Variants in EPDR1 observed in about 807,000 individuals in gnomAD.
The protein encoded by EPDR1 is ependymin related 1, also known as mammalian ependymin-related protein 1.
In EPDR1, 27 loss-of-function variants were observed where a neutral mutation model predicts 23.7. The ratio of observed to expected loss-of-function variants is 1.14; its 90% CI spans 0.84 to 1.57. The LOEUF (loss-of-function observed/expected upper bound fraction) is 1.57. Among genes scored for constraint, EPDR1 ranks in the 40% most tolerant of loss-of-function variants. The pLI is 0.00. For missense variants in EPDR1, 349 were observed against 290.4 expected (o/e 1.20, Z -1.47); for synonymous variants, 137 against 118.2 (o/e 1.16, Z -1.03).
chr7:37,925,575 G>T (rs939638379), intron 1 of EPDR1, among the ~76,000 whole-genome samples: 2 of 152,108 alleles, frequency 1.3e-5, no homozygotes, highest in African/African-American at 4.8e-5. Context: ...TTTTTAAACA[G>T]AGAATCAGCC....
intron 1 of EPDR1, among the ~76,000 whole-genome samples, chr7:37,921,861 T>G (rs956652236): frequency 6.6e-6 from 1 of 152,214 alleles, no homozygotes; most frequent in Non-Finnish European, 1.5e-5. Context: ...ACATTGTCCC[T>G]TATATGTTCT....
At chr7:37,937,976 GC>G (rs1347427595) in intron 1 of EPDR1, among the ~76,000 whole-genome samples, 1 of 94,718 alleles carries the variant, frequency 1.1e-5, no homozygotes, top group Non-Finnish European at 2.3e-5. Flanking sequence ...AAAAATGGGT[GC>G]CCTTTAAATT....
chr7:37,929,568 A>G (rs1293479397), intron 1 of EPDR1, among the ~76,000 whole-genome samples: 1 of 152,226 alleles, frequency 6.6e-6, no homozygotes, highest in Non-Finnish European at 1.5e-5. Context: ...ATACCTAAAT[A>G]ATAGATATGT....
intron 2 of EPDR1, among the ~76,000 whole-genome samples, chr7:37,949,652 A>G (rs1291881067): frequency 6.6e-6 from 1 of 152,228 alleles, no homozygotes; most frequent in Non-Finnish European, 1.5e-5. Context: ...AGACTCAAAC[A>G]GATATTTGTA....
intron 1 of EPDR1, chr7:37,926,791 T>G: frequency 4.7e-6 from 2 of 424,066 alleles, no homozygotes; most frequent in South Asian, 1.7e-5. Context: ...AATGATACAT[T>G]TTTTCTTTTT....
chr7:37,928,399 TA>T (rs34272919), intron 1 of EPDR1, among the ~76,000 whole-genome samples: 38,702 of 146,806 alleles, frequency 0.26, 4,932 homozygotes, highest in African/African-American at 0.3. Context: ...CATCTTTAAA[TA>T]AAAAAAAAAA....
chr7:37,948,938 A>T lies in EPDR1; in HGVS notation c.368A>T (p.Asp123Val). ...CSKMTLTQPW[D>V]PLDIPQNSTF... is the part of the protein sequence containing the mutation. ...AAGATGACCCTGACACAGCCCTGGG[A>T]TCCTCTTGACATTCCTCAAAACTCC... The change falls in exon 2 of 3, where the codon GAT (aspartate) becomes GTT (valine). Residue 123 changes from aspartate (D) to valine (V), a missense_variant. Physicochemically the swap from Asp to Val is radical, Grantham distance 152 (BLOSUM62 -3). Coordinates refer to ENST00000199448, the MANE Select transcript of EPDR1 (RefSeq NM_017549.5). 6.2e-7 allele frequency: 1 copy of T among 1,614,108 alleles called. No homozygotes were observed. Among genetic ancestry groups the T allele is most frequent in the Non-Finnish European group, 8.5e-7 (1 of 1,180,034 alleles).
intron 1 of EPDR1, among the ~76,000 whole-genome samples, chr7:37,941,573 A>G (rs908181838): frequency 6.6e-6 from 1 of 152,226 alleles, no homozygotes; most frequent in Non-Finnish European, 1.5e-5. Flanking sequence ...CAAACGCTCA[A>G]ATAGCAATTT....
Position 37,949,041 on chromosome 7 carries a change from TAGATCCTGTA to T in EPDR1, c.474_478+5del. ...AGGAGTGGTCGGACAGAAAGTCAGC[TAGATCCTGTA>T]AGGGTTCAAAGAATCTAAGCATTGT... On this transcript the variant is annotated splice_donor_variant and splice_donor_region_variant and coding_sequence_variant and intron_variant, in exon 2 of 3. Coordinates refer to ENST00000199448, the MANE Select transcript of EPDR1 (RefSeq NM_017549.5). LOFTEE classifies it high-confidence loss of function. The T allele has an allele frequency of 6.2e-7, 1 of 1,614,104 alleles. No individual in the cohort carries two copies.
rs1188788466 is a variant in EPDR1, at chr7:37,921,077, G to A, written c.138G>A (p.Gln46=). 1 of 1,574,052 alleles carries A rather than the reference G, an allele frequency of 6.4e-7. No homozygotes were observed. Among genetic ancestry groups the A allele is most frequent in the Non-Finnish European group, 8.6e-7 (1 of 1,166,486 alleles). Residue 46 remains glutamine (Q), a synonymous_variant, in exon 1 of 3, where the codon CAG becomes CAA. Transcript: ENST00000199448. ...CCCCGCGCCCGTGCCAGGCGCCGCAGCAGTGGGAGGGGCGCCAGGTTATGT... is the reference window on the plus strand; with the variant it reads ...CCCCGCGCCCGTGCCAGGCGCCGCAACAGTGGGAGGGGCGCCAGGTTATGT... The part of the protein sequence containing the change: ...VGAPRPCQAP[Q]QWEGRQVMYQ...
chr7:37,921,753 A>G (rs1785710421), intron 1 of EPDR1, among the ~76,000 whole-genome samples: 1 of 152,210 alleles, frequency 6.6e-6, no homozygotes, highest in Non-Finnish European at 1.5e-5. Context: ...CAGCATTAAA[A>G]TTTTGGTCTA....
At chr7:37,930,790 T>C (rs1019084183) in intron 1 of EPDR1, among the ~76,000 whole-genome samples, 1 of 152,218 alleles carries the variant, frequency 6.6e-6, no homozygotes, top group African/African-American at 2.4e-5. Flanking sequence ...GAAAAGAATT[T>C]GAAGTGTTTT....
chr7:37,923,200 G>A (rs1562855823), intron 1 of EPDR1, among the ~76,000 whole-genome samples: 2 of 152,202 alleles, frequency 1.3e-5, no homozygotes, highest in African/African-American at 2.4e-5. Context: ...ACACAAAATG[G>A]AGCCATGTGG....
intron 1 of EPDR1, among the ~76,000 whole-genome samples, chr7:37,924,731 A>G (rs948102714): frequency 1.3e-5 from 2 of 152,214 alleles, no homozygotes; most frequent in Non-Finnish European, 2.9e-5. Flanking sequence ...TCAGATGTGG[A>G]AAAGAATGTT....
chr7:37,933,114 CT>C (rs1562859294), intron 1 of EPDR1, among the ~76,000 whole-genome samples: 2 of 152,140 alleles, frequency 1.3e-5, no homozygotes. Flanking sequence ...AGTGTTTTTT[CT>C]TTTTTATGTC....
chr7:37,928,226 T>A (rs994320746), intron 1 of EPDR1, among the ~76,000 whole-genome samples: 9 of 152,240 alleles, frequency 5.9e-5, no homozygotes, highest in African/African-American at 2.2e-4. Context: ...TCTTCCTGAT[T>A]CTGACCTTGA....
intron 1 of EPDR1, among the ~76,000 whole-genome samples, chr7:37,931,456 G>A (rs2132005403): frequency 6.6e-6 from 1 of 152,188 alleles, no homozygotes; most frequent in Middle Eastern, 3.4e-3. Flanking sequence ...AGAGGCTGCA[G>A]TGACCTGAGA....
At chr7:37,942,824 T>G (rs1353429465) in intron 1 of EPDR1, among the ~76,000 whole-genome samples, 2 of 152,186 alleles carry the variant, frequency 1.3e-5, no homozygotes, top group African/African-American at 4.8e-5. Context: ...TTCCCCAGAT[T>G]TTCGGTGTTT....
intron 1 of EPDR1, among the ~76,000 whole-genome samples, chr7:37,939,658 C>T (rs1413090176): frequency 6.6e-6 from 1 of 152,134 alleles, no homozygotes; most frequent in African/African-American, 2.4e-5. Context: ...ATAGTTTTTT[C>T]ATAATACACA....
Sources: gnomAD v4.1 joint callset for allele counts (sites outside exome capture counted in the v4.1 genomes callset) on GRCh38, gnomAD v4.1.1 for gene constraint, MANE v1.5 for transcripts, NCBI Gene and HGNC (gene_info 2026-07-23, HGNC 2026-07-21) for gene names.